The following IKZF3 variants were observed in gnomAD, a reference collection of about 807,000 sequenced individuals.
IKZF3 encodes the protein IKAROS family zinc finger 3, also known as zinc finger protein Aiolos.
In IKZF3, 10 loss-of-function variants were observed where a neutral mutation model predicts 49.0. That is an observed-to-expected ratio of 0.20 (90% confidence interval 0.13 to 0.35). IKZF3 has a LOEUF of 0.35. Ranked by LOEUF, IKZF3 falls within the 10% of genes least tolerant of loss-of-function variation. The pLI is 1.00. For missense variants in IKZF3, 498 were observed against 664.8 expected, an observed-to-expected ratio of 0.75 and a Z score of 2.76; for synonymous variants, 209 against 228.2, an observed-to-expected ratio of 0.92 and a Z score of 0.76.
intron 1 of IKZF3, among the ~76,000 whole-genome samples, chr17:39,857,380 TG>T (rs1469286059): frequency 1.3e-5 from 2 of 152,248 alleles, no homozygotes; most frequent in African/African-American, 4.8e-5. Flanking sequence ...AATGAACTGA[TG>T]TTGCTGTGAT....
At chr17:39,819,336 C>G (rs1176513223) in intron 3 of IKZF3, among the ~76,000 whole-genome samples, 2 of 152,144 alleles carry the variant, frequency 1.3e-5, no homozygotes, top group African/African-American at 4.8e-5. Context: ...ATGGTATTAC[C>G]TACCAGAACT....
chr17:39,842,018 C>T (rs2062481475), intron 1 of IKZF3, among the ~76,000 whole-genome samples: 1 of 122,890 alleles, frequency 8.1e-6, no homozygotes, highest in South Asian at 2.6e-4. Flanking sequence ...TGCACTCCAG[C>T]CTGGATGACA....
chr17:39,777,556 G>A (rs904111731), intron 7 of IKZF3, 95 bp downstream of exon 7: 1 of 766,860 alleles, frequency 1.3e-6, no homozygotes, highest in Non-Finnish European at 2.2e-6. Context: ...TTTTAACAGA[G>A]GTTAAGCTAG....
intron 3 of IKZF3, among the ~76,000 whole-genome samples, chr17:39,802,114 C>G (rs144225560): frequency 6.8e-6 from 1 of 146,664 alleles, no homozygotes; most frequent in African/African-American, 2.5e-5. Context: ...CCCAGCTACT[C>G]GGGAGGCTGA....
chr17:39,855,743 C>T (rs547446349), intron 1 of IKZF3, among the ~76,000 whole-genome samples: 4 of 152,172 alleles, frequency 2.6e-5, no homozygotes, highest in African/African-American at 9.6e-5. Flanking sequence ...AGTGCTTCAC[C>T]TTATTATTTC....
intron 3 of IKZF3, among the ~76,000 whole-genome samples, chr17:39,813,524 G>C (rs1196393993): frequency 6.6e-6 from 1 of 151,772 alleles, no homozygotes; most frequent in Non-Finnish European, 1.5e-5. Context: ...TGCAACTGTA[G>C]TCACAGCTAC....
intron 1 of IKZF3, chr17:39,836,065 G>T: frequency 1.5e-6 from 1 of 653,210 alleles, no homozygotes; most frequent in Non-Finnish European, 2.8e-6. Context: ...ATCTTGTTCT[G>T]CTGCTTCAGG....
intron 3 of IKZF3, among the ~76,000 whole-genome samples, chr17:39,824,808 G>A (rs1385241303): frequency 6.6e-6 from 1 of 151,696 alleles, no homozygotes; most frequent in Admixed American, 6.6e-5. Context: ...CAATTCTCCT[G>A]CCTCAGCCTC....
At chr17:39,822,677 G>A (rs923586627) in intron 3 of IKZF3, among the ~76,000 whole-genome samples, 1 of 151,188 alleles carries the variant, frequency 6.6e-6, no homozygotes, top group African/African-American at 2.4e-5. Context: ...CCGCCTCCTG[G>A]ATTCACACCA....
intron 1 of IKZF3, among the ~76,000 whole-genome samples, chr17:39,850,394 T>TTA (rs1316647673): frequency 5.3e-5 from 7 of 132,990 alleles, no homozygotes; most frequent in South Asian, 2.3e-4. Context: ...ATATAGCATA[T>TTA]TGTATGTATA....
chr17:39,812,278 A>T (rs1454237488), intron 3 of IKZF3, among the ~76,000 whole-genome samples: 1 of 152,164 alleles, frequency 6.6e-6, no homozygotes, highest in Non-Finnish European at 1.5e-5. Context: ...TACAACACAA[A>T]AACAAAAACA....
intron 3 of IKZF3, among the ~76,000 whole-genome samples, chr17:39,827,833 A>G (rs71369791): frequency 0.057 from 8,740 of 152,276 alleles, 381 homozygotes; most frequent in African/African-American, 0.12. Context: ...TTTGATAGAT[A>G]TCTAAAATAG....
chr17:39,810,260 T>C (rs2061519608), intron 3 of IKZF3, among the ~76,000 whole-genome samples: 1 of 152,252 alleles, frequency 6.6e-6, no homozygotes, highest in Non-Finnish European at 1.5e-5. Flanking sequence ...TGAAAAATTA[T>C]ATATCTCTCT....
chr17:39,795,049 T>C (rs2061127677), intron 3 of IKZF3, among the ~76,000 whole-genome samples: 1 of 152,224 alleles, frequency 6.6e-6, no homozygotes, highest in Non-Finnish European at 1.5e-5. Flanking sequence ...GGCCACTCCA[T>C]GGTCACTGAA....
intron 7 of IKZF3, among the ~76,000 whole-genome samples, chr17:39,772,479 A>G (rs894050959): frequency 3.9e-5 from 6 of 152,226 alleles, no homozygotes; most frequent in Non-Finnish European, 8.8e-5. Context: ...CAAATGAACA[A>G]AAAAGGCAGG....
At chr17:39,815,712 G>C (rs1275320364) in intron 3 of IKZF3, among the ~76,000 whole-genome samples, 1 of 152,106 alleles carries the variant, frequency 6.6e-6, no homozygotes, top group African/African-American at 2.4e-5. Context: ...TATTTCCTAT[G>C]GCTCAAGATC....
At chr17:39,836,164 A>T in intron 1 of IKZF3, 1 of 661,262 alleles carries the variant, frequency 1.5e-6, no homozygotes. Context: ...GTCCACCTCC[A>T]GCTTAAGGGG....
At chr17:39,782,459 G>A (rs540708361) in intron 6 of IKZF3, among the ~76,000 whole-genome samples, 1 of 152,106 alleles carries the variant, frequency 6.6e-6, no homozygotes, top group Non-Finnish European at 1.5e-5. Flanking sequence ...GAAATGCTTT[G>A]TAACTGGACA....
intron 2 of IKZF3, 114 bp downstream of exon 2, chr17:39,831,984 A>AC (rs1242024784): frequency 2.9e-5 from 21 of 731,504 alleles, no homozygotes; most frequent in Middle Eastern, 2.4e-4. Flanking sequence ...TTTAAAAAAA[A>AC]ACACACACAC....
Sources: gnomAD v4.1 joint callset for allele counts (sites outside exome capture counted in the v4.1 genomes callset) on GRCh38, gnomAD v4.1.1 for gene constraint, MANE v1.5 for transcripts, NCBI Gene and HGNC (gene_info 2026-07-23, HGNC 2026-07-21) for gene names.